PHACTR1: variants seen among roughly 807,000 people sequenced by gnomAD.
PHACTR1 encodes phosphatase and actin regulator 1.
Under a neutral mutation model 69.2 loss-of-function variants are expected in PHACTR1, and 16 were observed. The observed-to-expected ratio is 0.23, with a 90% CI of 0.16 to 0.35. The LOEUF (loss-of-function observed/expected upper bound fraction) is 0.35, where lower values mean the gene tolerates loss of function less well. PHACTR1 is among the 10% of genes least tolerant of loss of function. The pLI, the probability that PHACTR1 is intolerant of heterozygous loss-of-function variation, is 1.00. For synonymous variants in PHACTR1, 312 were observed against 284.5 expected (o/e 1.10, Z -0.97); for missense variants, 510 against 734.7 (o/e 0.69, Z 3.54).
intron 7 of PHACTR1, among the ~76,000 whole-genome samples, chr6:13,190,770 T>C (rs1355886320): frequency 1.7e-5 from 2 of 119,514 alleles, no homozygotes; most frequent in Non-Finnish European, 4.0e-5. Context: ...CCAGGACTTA[T>C]TTGCACAGTG....
intron 7 of PHACTR1, among the ~76,000 whole-genome samples, chr6:13,189,937 A>G (rs1013794141): frequency 1.3e-5 from 2 of 151,478 alleles, no homozygotes; most frequent in African/African-American, 4.9e-5. Context: ...CTAGTGACAT[A>G]TCTTTTGCTG....
chr6:13,264,986 C>T (rs1370405808), intron 10 of PHACTR1: 1 of 151,564 alleles, frequency 6.6e-6, no homozygotes, highest in African/African-American at 2.4e-5. Flanking sequence ...GGTGCCACTG[C>T]ACTCCAGCTT....
intron 4 of PHACTR1, among the ~76,000 whole-genome samples, chr6:12,769,477 A>G (rs1355440693): frequency 6.6e-6 from 1 of 152,210 alleles, no homozygotes; most frequent in Non-Finnish European, 1.5e-5. Flanking sequence ...TTTGAATCCC[A>G]CCTACAGCCT....
intron 4 of PHACTR1, among the ~76,000 whole-genome samples, chr6:12,854,196 A>G (rs144226425): frequency 4.6e-5 from 7 of 152,290 alleles, no homozygotes; most frequent in African/African-American, 1.7e-4. Context: ...GAAAGTAGCA[A>G]TGTACTACTT....
intron 13 of PHACTR1, among the ~76,000 whole-genome samples, chr6:13,285,480 C>T (rs1236449774): frequency 1.3e-5 from 2 of 152,234 alleles, no homozygotes; most frequent in African/African-American, 2.4e-5. Flanking sequence ...CAGCTGCCTT[C>T]TTTACCAGCC....
intron 5 of PHACTR1, among the ~76,000 whole-genome samples, chr6:13,151,470 T>G (rs977218015): frequency 3.3e-5 from 5 of 152,230 alleles, no homozygotes; most frequent in African/African-American, 1.2e-4. Flanking sequence ...TAGCTATATA[T>G]TCTAGAAAAA....
intron 4 of PHACTR1, among the ~76,000 whole-genome samples, chr6:12,884,594 G>GGTTTCACC (rs1783447940): frequency 6.6e-6 from 1 of 152,014 alleles, no homozygotes; most frequent in African/African-American, 2.4e-5. Context: ...GTAGAGACAG[G>GGTTTCACC]GTTTCACCAT....
At chr6:12,851,758 T>C (rs1437824975) in intron 4 of PHACTR1, among the ~76,000 whole-genome samples, 2 of 152,212 alleles carry the variant, frequency 1.3e-5, no homozygotes, top group African/African-American at 2.4e-5. Flanking sequence ...CTCTGCCGAA[T>C]GTTTTCTTTT....
At chr6:12,966,402 C>T (rs1353868339) in intron 4 of PHACTR1, among the ~76,000 whole-genome samples, 4 of 152,220 alleles carry the variant, frequency 2.6e-5, no homozygotes, top group Non-Finnish European at 2.9e-5. Flanking sequence ...CCTGGACATC[C>T]TGCTGATAAA....
intron 4 of PHACTR1, among the ~76,000 whole-genome samples, chr6:12,922,632 T>A (rs1426948472): frequency 6.6e-6 from 1 of 152,224 alleles, no homozygotes; most frequent in East Asian, 1.9e-4. Flanking sequence ...ATTTCAACTT[T>A]CCATTTCACT....
chr6:13,287,737 C>G lies in PHACTR1; in HGVS notation c.*659C>G, dbSNP rs1164435698. 6.5e-6 allele frequency: 1 copy of G among 152,994 alleles called. No homozygotes were observed. Among genetic ancestry groups the G allele is most frequent in the East Asian group, 1.9e-4 (1 of 5,204 alleles). The allele number at this position is 152,994 out of a possible 1,614,324, so 9.5% of individuals were successfully genotyped here. A position where few individuals can be genotyped will look rare whatever the true frequency, so the allele number is the denominator to read the frequency against. Reference sequence around the variant, plus strand: ...GCTACGAAGGCTGGCACTGAGCACCCATCCTGCTCCCTCTGCCTGAGCTGA... The same window carrying G: ...GCTACGAAGGCTGGCACTGAGCACCGATCCTGCTCCCTCTGCCTGAGCTGA... On this transcript the variant is annotated 3_prime_UTR_variant, in exon 15 of 15. Coordinates refer to ENST00000332995, the MANE Select transcript of PHACTR1 (RefSeq NM_030948.6).
intron 8 of PHACTR1, among the ~76,000 whole-genome samples, chr6:13,212,729 C>T (rs971162284): frequency 1.3e-5 from 2 of 152,130 alleles, no homozygotes; most frequent in Non-Finnish European, 2.9e-5. Context: ...CGGACATTCT[C>T]GGACGTGCCG....
intron 7 of PHACTR1, among the ~76,000 whole-genome samples, chr6:13,202,296 T>A (rs933950139): frequency 6.6e-6 from 1 of 152,192 alleles, no homozygotes; most frequent in Non-Finnish European, 1.5e-5. Context: ...CTCAATATAA[T>A]CACTGCTCCT....
rs1161324144 is a variant in PHACTR1, at chr6:12,955,192, C to CTTTTTTTTTTTTTTTTTTTT, written c.251-98172_251-98153dup. On this transcript the variant is annotated intron_variant, in intron 4 of 14. Transcript: ENST00000332995. ...ATCTATGGCTCACATTGTATTTCCT[C>CTTTTTTTTTTTTTTTTTTTT]TTTTTTTTTTTTTTTTTTTTGAGAG... is the stretch of plus-strand genomic sequence containing the variant. Among the ~76,000 whole-genome samples, 71 of 103,286 alleles carry CTTTTTTTTTTTTTTTTTTTT rather than the reference C, an allele frequency of 6.9e-4. 10 individuals are homozygous for CTTTTTTTTTTTTTTTTTTTT. Among genetic ancestry groups the CTTTTTTTTTTTTTTTTTTTT allele is most frequent in the African/African-American group, 3.2e-3 (62 of 19,524 alleles). The allele number at this position is 103,286 out of a possible 152,430, so 67.8% of individuals were successfully genotyped here.
chr6:13,092,052 C>T (rs1428481756), intron 5 of PHACTR1, among the ~76,000 whole-genome samples: 1 of 152,196 alleles, frequency 6.6e-6, no homozygotes, highest in Non-Finnish European at 1.5e-5. Context: ...CCCATCTCAG[C>T]CTCCCAAACT....
At chr6:13,279,538 C>T (rs572492816) in intron 12 of PHACTR1, 1 of 152,212 alleles carries the variant, frequency 6.6e-6, no homozygotes, top group South Asian at 2.1e-4. Context: ...AATATCATAC[C>T]AATTATTAAG....
intron 6 of PHACTR1, among the ~76,000 whole-genome samples, chr6:13,173,366 A>T (rs1323726689): frequency 6.6e-6 from 1 of 152,220 alleles, no homozygotes; most frequent in African/African-American, 2.4e-5. Flanking sequence ...AACATTTAAT[A>T]AGAATATATT....
chr6:12,830,006 AAGG>A (rs1777264011), intron 4 of PHACTR1, among the ~76,000 whole-genome samples: 1 of 128,554 alleles, frequency 7.8e-6, no homozygotes, highest in Non-Finnish European at 1.7e-5. Context: ...GAACGAAAAG[AAGG>A]AAGGAAGGAA....
At chr6:12,910,817 A>G (rs1044120914) in intron 4 of PHACTR1, among the ~76,000 whole-genome samples, 7 of 152,212 alleles carry the variant, frequency 4.6e-5, no homozygotes, top group Non-Finnish European at 1.0e-4. Context: ...GATCTGAATC[A>G]GATCTGGCTG....
Sources: gnomAD v4.1 joint callset for allele counts (sites outside exome capture counted in the v4.1 genomes callset) on GRCh38, gnomAD v4.1.1 for gene constraint, MANE v1.5 for transcripts, NCBI Gene and HGNC (gene_info 2026-07-23, HGNC 2026-07-21) for gene names.